LRWD1: variants seen among roughly 807,000 people sequenced by gnomAD.
The protein encoded by LRWD1 is leucine-rich repeat and WD repeat-containing protein 1.
In LRWD1, 76 loss-of-function variants were observed where a neutral mutation model predicts 75.6. The ratio of observed to expected loss-of-function variants is 1.01; its 90% CI spans 0.84 to 1.22. The LOEUF (loss-of-function observed/expected upper bound fraction) is 1.22. LRWD1 is among the 50% of genes most tolerant of loss of function. The probability of loss-of-function intolerance (pLI) is 0.00; values close to 1 mark genes in which losing one functional copy is unlikely to be tolerated. For synonymous variants in LRWD1, 487 were observed against 377.0 expected, an observed-to-expected ratio of 1.29 and a Z score of -3.38; for missense variants, 917 against 862.0, an observed-to-expected ratio of 1.06 and a Z score of -0.80.
rs766595060 is a variant in LRWD1, at chr7:102,465,788, C to T, written c.81-29C>T. The T allele has an allele frequency of 1.3e-5, 20 of 1,569,666 alleles. No individual in the cohort carries two copies. In the Admixed American group the frequency reaches 3.0e-4, roughly 24 times the overall value. On this transcript the variant is annotated intron_variant, in intron 1 of 14. Transcript: ENST00000292616. ...TGGTGTAGGGTGCAAAGCCTGCCCGCCCCCTAAGCCTTCTGCCCCCAACTC... is the reference window on the plus strand; with the variant it reads ...TGGTGTAGGGTGCAAAGCCTGCCCGTCCCCTAAGCCTTCTGCCCCCAACTC...
chr7:102,465,536 G>A, intron 1 of LRWD1: 1 of 224,874 alleles, frequency 4.4e-6, no homozygotes, highest in Non-Finnish European at 8.0e-6. Flanking sequence ...GTTAAGTGGT[G>A]TGGAGTCGGG....
At chr7:102,465,288 GTCT>G (rs1257257940) in intron 1 of LRWD1, 128 bp downstream of exon 1, 16 of 978,138 alleles carry the variant, frequency 1.6e-5, no homozygotes, top group Middle Eastern at 2.8e-4. Flanking sequence ...TGGTCCAAAT[GTCT>G]TCTTGTTGGG....
intron 3 of LRWD1, 129 bp from the exon 4 acceptor site, chr7:102,467,210 G>C: frequency 1.3e-6 from 1 of 751,216 alleles, no homozygotes; most frequent in Non-Finnish European, 2.2e-6. Context: ...GTGTGTGTGT[G>C]TGTGTTTTAT....
chr7:102,467,268 C>T (rs1269512667), intron 3 of LRWD1, 71 bp from the exon 4 acceptor site: 2 of 1,522,174 alleles, frequency 1.3e-6, no homozygotes, highest in Admixed American at 2.0e-5. Flanking sequence ...GATTGAGATT[C>T]CCTGAGATGG....
chr7:102,465,488 GCTTTTTTTTTTTTTT>G lies in LRWD1; in HGVS notation c.81-328_81-314del, dbSNP rs1797934798. ...GCCCCCGAGTCCTAAAGTAGTTGCA[GCTTTTTTTTTTTTTT>G]TTTTTTTTTTTTTTTTTTTTTTGTT... On this transcript the variant is annotated intron_variant, in intron 1 of 14. Transcript: ENST00000292616. 9.5e-4 allele frequency: 103 copies of G among 108,022 alleles called. 31 individuals are homozygous for G. Among genetic ancestry groups the G allele is most frequent in the East Asian group, 3.2e-3 (9 of 2,784 alleles). The allele number at this position is 108,022 out of a possible 1,614,324, so 6.7% of individuals were successfully genotyped here.
intron 1 of LRWD1, 140 bp from the exon 2 acceptor site, chr7:102,465,677 A>C: frequency 1.5e-6 from 1 of 653,264 alleles, no homozygotes; most frequent in Non-Finnish European, 2.7e-6. Context: ...GTCTCTAAAA[A>C]TAAAGTAACG....
chr7:102,468,708 C>T lies in LRWD1; in HGVS notation c.1020+54C>T, dbSNP rs533251866. 343 of 1,542,534 alleles carry T rather than the reference C, an allele frequency of 2.2e-4. 2 individuals are homozygous for T. The South Asian group carries it at 3.9e-3, about 18-fold the overall frequency. ...CAAGGGTGCCCGACTGACTCCTGAA[C>T]AGCAGCATGGGGATGGATGCAGGCT... On this transcript the variant is annotated intron_variant, in intron 8 of 14. Transcript: ENST00000292616.
intron 11 of LRWD1, 144 bp from the exon 12 acceptor site, chr7:102,472,074 C>T: frequency 1.3e-6 from 1 of 760,114 alleles, no homozygotes; most frequent in Non-Finnish European, 2.2e-6. Context: ...TTCCTGGGGC[C>T]AAGAATGTAT....
chr7:102,465,739 C>A, intron 1 of LRWD1, 78 bp from the exon 2 acceptor site: 1 of 1,036,484 alleles, frequency 9.6e-7, no homozygotes, highest in Non-Finnish European at 1.5e-6. Context: ...GGTGAAAAAG[C>A]CTTCTGAGGT....
chr7:102,470,066 C>T, intron 11 of LRWD1, 184 bp downstream of exon 11: 4 of 743,722 alleles, frequency 5.4e-6, no homozygotes, highest in Middle Eastern at 4.0e-4. Flanking sequence ...TCTGACCCTG[C>T]TCTCACCCTG....
In LRWD1 at chr7:102,472,710, G is replaced by A; in HGVS notation, c.1709G>A (p.Cys570Tyr). The change falls in exon 14 of 15, where the codon TGT (cysteine) becomes TAT (tyrosine). Residue 570 changes from cysteine (C) to tyrosine (Y), a missense_variant. Coordinates refer to ENST00000292616, the MANE Select transcript of LRWD1 (RefSeq NM_152892.3). ...CCGGCAGATAAGGGGATTGTGCTCT[G>A]TGGGGATGAGGAGGGCAACGTGTGG... is the stretch of plus-strand genomic sequence containing the variant. ...SACPDKGIVL[C>Y]GDEEGNVWLY... 3.7e-6 allele frequency: 6 copies of A among 1,613,558 alleles called. No homozygotes were observed. The highest frequency in any genetic ancestry group is 4.2e-6 in the Non-Finnish European group (5 of 1,179,936).
In LRWD1 at chr7:102,469,656, C is replaced by T. The variant is rs764225207; in HGVS notation, c.1301+10C>T. The T allele has an allele frequency of 7.4e-6, 12 of 1,614,046 alleles. No homozygotes were observed. Among genetic ancestry groups the T allele is most frequent in the East Asian group, 2.2e-5 (1 of 44,896 alleles). ...ACGAATTCCAGGCCAGGTGATGCTT[C>T]GGGTGAGGCTGGGGAGTGGCCAGCT... On this transcript the variant is annotated intron_variant, in intron 10 of 14. Transcript: ENST00000292616.
At chr7:102,467,162 T>G (rs1473313194) in intron 3 of LRWD1, among the ~76,000 whole-genome samples, 177 bp from the exon 4 acceptor site, 1 of 14,070 alleles carries the variant, frequency 7.1e-5, no homozygotes, top group South Asian at 1.4e-3. Context: ...GTTGCTGGGG[T>G]GTGTGTGGGG....
At chr7:102,466,087 G>A (rs1797965448) in intron 2 of LRWD1, 36 bp downstream of exon 2, 1 of 1,613,184 alleles carries the variant, frequency 6.2e-7, no homozygotes, top group Non-Finnish European at 8.5e-7. Context: ...CATACCTGGG[G>A]CCAGGACTCT....
At chr7:102,467,614 GCCCTT>G in intron 4 of LRWD1, 100 bp from the exon 5 acceptor site, 2 of 1,505,068 alleles carry the variant, frequency 1.3e-6, no homozygotes, top group East Asian at 4.9e-5. Flanking sequence ...GGCTGGAGAG[GCCCTT>G]CCCCAACTCT....
At position 102,468,264 on chromosome 7, in the gene LRWD1, C is replaced by G; in HGVS notation, c.806C>G (p.Pro269Arg). 1 of 1,607,050 alleles carries G rather than the reference C, an allele frequency of 6.2e-7. No homozygotes were observed. The highest frequency in any genetic ancestry group is 8.5e-7 in the Non-Finnish European group (1 of 1,177,424). ...TGTGACCCTTCTCTCCCCCCACAGC[C>G]TGCTGTGAAGCTGGAGCCCCTGCAC... ...SPVAGSDGSQ[P>R]AVKLEPLHFL... The change falls in exon 7 of 15, where the codon CCT becomes CGT. Residue 269 changes from proline (P) to arginine (R), a missense_variant and splice_region_variant. By Grantham distance (103) the Pro-to-Arg change is moderately radical. Transcript: ENST00000292616.
intron 3 of LRWD1, among the ~76,000 whole-genome samples, chr7:102,467,118 G>GTGTGT (rs1798012258): frequency 3.5e-5 from 4 of 114,442 alleles, no homozygotes; most frequent in African/African-American, 1.4e-4. Flanking sequence ...TTGTTGCTGG[G>GTGTGT]GTGTGTGTGT....
chr7:102,467,312 G>A lies in LRWD1; in HGVS notation c.433-27G>A, dbSNP rs373355050. ...GTCCGGAGGAGCTGGGGTGGGCCGG[G>A]CCTGGATCTGGTCCCTCTTGCACCA... On this transcript the variant is annotated intron_variant, in intron 3 of 14. Coordinates refer to ENST00000292616, the MANE Select transcript of LRWD1 (RefSeq NM_152892.3). 3.2e-6 allele frequency: 5 copies of A among 1,578,468 alleles called. No homozygotes were observed. In the East Asian group the frequency reaches 1.2e-4, roughly 37 times the overall value.
chr7:102,472,565 G>A lies in LRWD1; in HGVS notation c.1646G>A (p.Trp549Ter), dbSNP rs1172504434. 1 of 1,604,546 alleles carries A rather than the reference G, an allele frequency of 6.2e-7. No homozygotes were observed. ...GTGGTGGTCCTGGCGCGGCTGCAAT[G>A]GTCGTCCACCGAGTTGGCCTACTTC... ...VAVVVLARLQ[W>*]SSTELAYFSL... The change falls in exon 13 of 15, where the codon TGG becomes TAG. Residue 549 changes from tryptophan (W) to a stop codon, truncating the protein, a stop_gained. Transcript: ENST00000292616. LOFTEE classifies it high-confidence loss of function.
Sources: gnomAD v4.1 joint callset for allele counts (sites outside exome capture counted in the v4.1 genomes callset) on GRCh38, gnomAD v4.1.1 for gene constraint, MANE v1.5 for transcripts, NCBI Gene and HGNC (gene_info 2026-07-23, HGNC 2026-07-21) for gene names.